The following SPPL3 variants were observed in gnomAD, a reference collection of about 807,000 sequenced individuals.
SPPL3 encodes the protein signal peptide peptidase-like 3.
A neutral mutation model predicts 42.4 loss-of-function variants in SPPL3; 5 were observed. The ratio of observed to expected loss-of-function variants is 0.12; its 90% CI spans 0.06 to 0.25. The LOEUF is 0.25. SPPL3 is among the 10% of genes least tolerant of loss of function. SPPL3 has a pLI of 1.00. For synonymous variants in SPPL3, 195 were observed against 181.8 expected, an observed-to-expected ratio of 1.07 and a Z score of -0.58; for missense variants, 235 against 489.0, an observed-to-expected ratio of 0.48 and a Z score of 4.90.
At chr12:120,811,686 T>TTTG (rs1160015348) in intron 1 of SPPL3, among the ~76,000 whole-genome samples, 2 of 152,302 alleles carry the variant, frequency 1.3e-5, no homozygotes, top group African/African-American at 2.4e-5. Flanking sequence ...TAGCAGGCTT[T>TTTG]TTGTTGTTGT....
chr12:120,792,153 A>G (rs1403870901), intron 2 of SPPL3, among the ~76,000 whole-genome samples: 4 of 152,210 alleles, frequency 2.6e-5, no homozygotes, highest in Admixed American at 2.6e-4. Flanking sequence ...AAGGAGGAAA[A>G]CTAGGAAATG....
At chr12:120,815,401 T>C (rs73229137) in intron 1 of SPPL3, among the ~76,000 whole-genome samples, 2,533 of 152,346 alleles carry the variant, frequency 0.017, 28 homozygotes, top group Non-Finnish European at 0.025. Context: ...CAGCTTTTCT[T>C]TTTTATGATT....
At chr12:120,901,958 A>C (rs1430603870) in intron 1 of SPPL3, 2 of 984,794 alleles carry the variant, frequency 2.0e-6, no homozygotes, top group Non-Finnish European at 2.4e-6. Flanking sequence ...TCTGTACAGC[A>C]CAGTAAAAAC....
Position 120,791,669 on chromosome 12 carries a change from T to C in SPPL3, c.102-112A>G, listed in dbSNP as rs1243749180. The C allele has an allele frequency of 5.4e-5, 37 of 681,476 alleles. No individual in the cohort carries two copies. The Admixed American group carries it at 9.7e-4, about 18-fold the overall frequency. The allele number at this position is 681,476 out of a possible 1,614,324, so 42.2% of individuals were successfully genotyped here. The stretch of plus-strand genomic sequence containing the variant: ...AGGAATTAGGAAAGAAGGTCTCTTT[T>C]GAACAACTCTGAAAAATAGCTCTTG... On this transcript the variant is annotated intron_variant, in intron 2 of 10. Coordinates refer to ENST00000353487, the MANE Select transcript of SPPL3 (RefSeq NM_139015.5).
At chr12:120,785,703 G>C (rs1869697596) in intron 3 of SPPL3, among the ~76,000 whole-genome samples, 1 of 151,814 alleles carries the variant, frequency 6.6e-6, no homozygotes, top group Non-Finnish European at 1.5e-5. Flanking sequence ...GGGTGTGGTG[G>C]CTCATGCCTG....
At chr12:120,892,440 C>T (rs1156783802) in intron 1 of SPPL3, among the ~76,000 whole-genome samples, 2 of 152,072 alleles carry the variant, frequency 1.3e-5, no homozygotes, top group Admixed American at 1.3e-4. Flanking sequence ...ACATTGCAGT[C>T]AGACCTTGAA....
At chr12:120,898,533 AC>A (rs1795299839) in intron 1 of SPPL3, among the ~76,000 whole-genome samples, 3 of 151,856 alleles carry the variant, frequency 2.0e-5, no homozygotes, top group African/African-American at 7.3e-5. Flanking sequence ...TGTGGCCAAA[AC>A]CCATACTTTT....
Position 120,766,272 on chromosome 12 carries a change from G to A in SPPL3, c.1074C>T (p.Ala358=). 1.9e-6 allele frequency: 3 copies of A among 1,582,154 alleles called. No individual in the cohort carries two copies. Among genetic ancestry groups the A allele is most frequent in the South Asian group, 1.2e-5 (1 of 86,288 alleles). ...PFTLLPLLTM[A]YLKGDLRRMW... is the part of the protein sequence containing the mutation. The stretch of plus-strand genomic sequence containing the variant: ...TAACTGCTGCTCTCACCTTTAAATA[G>A]GCCATCGTGAGGAGTGGCAATAAAG... The change falls in exon 10 of 11, where the codon GCC becomes GCT. Residue 358 remains alanine (A), a synonymous_variant. Coordinates refer to ENST00000353487, the MANE Select transcript of SPPL3 (RefSeq NM_139015.5).
intron 1 of SPPL3, among the ~76,000 whole-genome samples, chr12:120,872,521 C>T (rs576067422): frequency 2.6e-5 from 4 of 152,194 alleles, no homozygotes; most frequent in Non-Finnish European, 5.9e-5. Flanking sequence ...GAGGAGCCAA[C>T]AGAGCTGGGG....
chr12:120,861,574 G>A (rs1339971114), intron 1 of SPPL3, among the ~76,000 whole-genome samples: 2 of 152,156 alleles, frequency 1.3e-5, no homozygotes, highest in East Asian at 3.8e-4. Context: ...ACAATGCCCT[G>A]AAGACATACC....
intron 1 of SPPL3, among the ~76,000 whole-genome samples, chr12:120,825,186 A>G (rs1428517952): frequency 6.6e-6 from 1 of 152,220 alleles, no homozygotes; most frequent in Non-Finnish European, 1.5e-5. Flanking sequence ...AATGTTCACA[A>G]ATTTTAATTC....
chr12:120,788,332 G>C (rs1237655568), intron 3 of SPPL3, among the ~76,000 whole-genome samples: 1 of 152,032 alleles, frequency 6.6e-6, no homozygotes, highest in Non-Finnish European at 1.5e-5. Context: ...CATGTGTTTC[G>C]AGTTGCCCAG....
chr12:120,840,202 C>T (rs555182653), intron 1 of SPPL3, among the ~76,000 whole-genome samples: 13 of 140,918 alleles, frequency 9.2e-5, no homozygotes, highest in Admixed American at 2.3e-4. Flanking sequence ...TGCTTGAACC[C>T]GGCGGGTGGA....
chr12:120,855,829 T>C (rs1566061857), intron 1 of SPPL3, among the ~76,000 whole-genome samples: 1 of 152,224 alleles, frequency 6.6e-6, no homozygotes, highest in Non-Finnish European at 1.5e-5. Context: ...GGGGGTGTAC[T>C]TGAAGCCCCA....
chr12:120,888,687 T>C (rs1040147992), intron 1 of SPPL3, among the ~76,000 whole-genome samples: 1 of 152,316 alleles, frequency 6.6e-6, no homozygotes, highest in East Asian at 1.9e-4. Context: ...GTACAGTTTC[T>C]TTTGGGATGA....
At chr12:120,783,355 T>C (rs1244422234) in intron 5 of SPPL3, among the ~76,000 whole-genome samples, 1 of 152,038 alleles carries the variant, frequency 6.6e-6, no homozygotes, top group Non-Finnish European at 1.5e-5. Context: ...CAACCACTAT[T>C]CTCATATTTC....
intron 1 of SPPL3, among the ~76,000 whole-genome samples, chr12:120,826,734 T>C (rs1871241654): frequency 6.6e-6 from 1 of 152,146 alleles, no homozygotes; most frequent in South Asian, 2.1e-4. Context: ...TTAGCTTCTC[T>C]AAAAAGATTC....
chr12:120,881,815 AC>A (rs1873294953), intron 1 of SPPL3, among the ~76,000 whole-genome samples: 1 of 151,866 alleles, frequency 6.6e-6, no homozygotes, highest in East Asian at 1.9e-4. Flanking sequence ...AAAAAAAGAA[AC>A]AAAATATTGT....
chr12:120,775,577 T>C (rs1433536718), intron 6 of SPPL3, among the ~76,000 whole-genome samples: 1 of 152,242 alleles, frequency 6.6e-6, no homozygotes, highest in African/African-American at 2.4e-5. Context: ...AAGATTCTGT[T>C]AGTCCCTGAA....
Sources: gnomAD v4.1 joint callset for allele counts (sites outside exome capture counted in the v4.1 genomes callset) on GRCh38, gnomAD v4.1.1 for gene constraint, MANE v1.5 for transcripts, NCBI Gene and HGNC (gene_info 2026-07-23, HGNC 2026-07-21) for gene names.